PGLS: variants seen among roughly 807,000 people sequenced by gnomAD.
PGLS encodes 6-phosphogluconolactonase.
In PGLS, 21 loss-of-function variants were observed where a neutral mutation model predicts 23.2. That is an observed-to-expected ratio of 0.91 (90% CI 0.64 to 1.31). PGLS has a LOEUF of 1.31. PGLS is among the 50% of genes most tolerant of loss of function. PGLS has a pLI of 0.00. For missense variants in PGLS, 410 were observed against 354.0 expected (o/e 1.16, Z -1.27); for synonymous variants, 179 against 165.4 (o/e 1.08, Z -0.63).
chr19:17,512,174 G>T, intron 1 of PGLS: 1 of 536,598 alleles, frequency 1.9e-6, no homozygotes, highest in South Asian at 2.5e-5. Flanking sequence ...CAAGAGGGCC[G>T]CGCCCACCGG....
chr19:17,512,103 A>T lies in PGLS; in HGVS notation c.288+143A>T. 4.5e-6 allele frequency: 4 copies of T among 881,324 alleles called. No homozygotes were observed. In the South Asian group the frequency reaches 7.4e-5, roughly 16 times the overall value. 54.6% of individuals were successfully genotyped at this position (881,324 alleles called of 1,614,324 possible). A position where few individuals can be genotyped will look rare whatever the true frequency, so the allele number is the denominator to read the frequency against. On this transcript the variant is annotated intron_variant, in intron 1 of 4. Coordinates refer to ENST00000252603, the MANE Select transcript of PGLS (RefSeq NM_012088.3). ...TCGGCTACGGGGGCCACTGGGTATC[A>T]TGCCAAGAGGGCCGTGCCCACTGCC...
At chr19:17,517,455 G>C in intron 3 of PGLS, 66 bp downstream of exon 3, 3 of 1,302,528 alleles carry the variant, frequency 2.3e-6, no homozygotes, top group Non-Finnish European at 3.3e-6. Context: ...GGGACTTCCA[G>C]AGGGAGAGCC....
chr19:17,516,241 GGAGGAGGCGGCT>G lies in PGLS; in HGVS notation c.363_374del (p.Glu121_Glu124del). 1.9e-6 allele frequency: 3 copies of G among 1,614,058 alleles called. No homozygotes were observed. Among genetic ancestry groups the G allele is most frequent in the Non-Finnish European group, 2.5e-6 (3 of 1,179,928 alleles). On this transcript the variant is annotated inframe_deletion, in exon 2 of 5. Coordinates refer to ENST00000252603, the MANE Select transcript of PGLS (RefSeq NM_012088.3). Reference sequence around the variant, plus strand: ...TCACCATTAACCCCGAGCTGCCTGTGGAGGAGGCGGCTGAGGACTACGCCAAGAAGCTGAGAC... The same window carrying G: ...TCACCATTAACCCCGAGCTGCCTGTGGAGGACTACGCCAAGAAGCTGAGAC...
In PGLS at chr19:17,516,162, G is replaced by A; in HGVS notation, c.289-11G>A. The A allele has an allele frequency of 6.2e-7, 1 of 1,608,734 alleles. No homozygotes were observed. The highest frequency in any genetic ancestry group is 8.5e-7 in the Non-Finnish European group (1 of 1,175,242). ...TTACTGTTGGTGACATTGTCCCTCT[G>A]TTGGCTGCAGACGCATCTTCTCTCC... On this transcript the variant is annotated splice_polypyrimidine_tract_variant and intron_variant, in intron 1 of 4. Coordinates refer to ENST00000252603, the MANE Select transcript of PGLS (RefSeq NM_012088.3).
chr19:17,520,938 C>T lies in PGLS; in HGVS notation c.640-6C>T, dbSNP rs370619107. ...CAGGGCCTTACTCTTCTGCCCTCTTCTTCAGCGCATTTTGGAGGACCAGGA... is the reference window on the plus strand; with the variant it reads ...CAGGGCCTTACTCTTCTGCCCTCTTTTTCAGCGCATTTTGGAGGACCAGGA... On this transcript the variant is annotated splice_polypyrimidine_tract_variant and splice_region_variant and intron_variant, in intron 4 of 4. Coordinates refer to ENST00000252603, the MANE Select transcript of PGLS (RefSeq NM_012088.3). 53 of 1,590,190 alleles carry T rather than the reference C, an allele frequency of 3.3e-5. No individual in the cohort carries two copies. In the African/African-American group the frequency reaches 5.0e-4, roughly 15 times the overall value.
At chr19:17,516,425 C>T in intron 2 of PGLS, 145 bp downstream of exon 2, 1 of 1,432,428 alleles carries the variant, frequency 7.0e-7, no homozygotes, top group South Asian at 1.4e-5. Context: ...TCTTCGAGGC[C>T]ACAGCCCTGC....
chr19:17,516,287 C>A lies in PGLS; in HGVS notation c.396+7C>A. ...CGCCAAGAAGCTGAGACAGGTGAGC[C>A]CCGAGGAGCGGCCGCAAGGGAGTCA... On this transcript the variant is annotated splice_region_variant and intron_variant, in intron 2 of 4. Coordinates refer to ENST00000252603, the MANE Select transcript of PGLS (RefSeq NM_012088.3). 1 of 1,612,632 alleles carries A rather than the reference C, an allele frequency of 6.2e-7. No individual in the cohort carries two copies. The highest frequency in any genetic ancestry group is 2.2e-5 in the East Asian group (1 of 44,804).
Position 17,521,188 on chromosome 19 carries a change from G to A in PGLS, c.*107G>A, listed in dbSNP as rs920196260. 8.3e-7 allele frequency: 1 copy of A among 1,199,022 alleles called. No individual in the cohort carries two copies. The highest frequency in any genetic ancestry group is 1.1e-6 in the Non-Finnish European group (1 of 879,808). 74.3% of individuals were successfully genotyped at this position (1,199,022 alleles called of 1,614,324 possible). Reference sequence around the variant, plus strand: ...TCCTTTCAAAAAGCCACGTCGTGCTGCTGCTGGAAGCCAACAGCCTCCGGC... The same window carrying A: ...TCCTTTCAAAAAGCCACGTCGTGCTACTGCTGGAAGCCAACAGCCTCCGGC... On this transcript the variant is annotated 3_prime_UTR_variant, in exon 5 of 5. Coordinates refer to ENST00000252603, the MANE Select transcript of PGLS (RefSeq NM_012088.3).
rs143133264 is a variant in PGLS, at chr19:17,517,790, G to C, written c.579G>C (p.Leu193=). Reference sequence around the variant, plus strand: ...GTGTGACCCTCACACTACCTGTCCTGAATGCAGCACGAACTGTCATCTTTG... The same window carrying C: ...GTGTGACCCTCACACTACCTGTCCTCAATGCAGCACGAACTGTCATCTTTG... ...PQRVTLTLPV[L]NAARTVIFVA... The change falls in exon 4 of 5, where the codon CTG becomes CTC. Residue 193 remains leucine (L), a synonymous_variant. Transcript: ENST00000252603. 32 of 1,614,148 alleles carry C rather than the reference G, an allele frequency of 2.0e-5. No homozygotes were observed. The African/African-American group carries it at 4.0e-4, about 20-fold the overall frequency.
At chr19:17,512,061 C>G in intron 1 of PGLS, 101 bp downstream of exon 1, 1 of 1,245,058 alleles carries the variant, frequency 8.0e-7, no homozygotes, top group Non-Finnish European at 1.1e-6. Flanking sequence ...GAAAGGGCCG[C>G]GCCCACTGTC....
At chr19:17,520,083 A>G (rs1045702280) in intron 4 of PGLS, among the ~76,000 whole-genome samples, 6 of 152,244 alleles carry the variant, frequency 3.9e-5, no homozygotes, top group African/African-American at 1.4e-4. Flanking sequence ...AGCCTCAGAG[A>G]TTGAGGCTGC....
intron 2 of PGLS, chr19:17,516,579 A>ATT: frequency 1.2e-6 from 1 of 834,198 alleles, no homozygotes; most frequent in South Asian, 3.6e-5. Flanking sequence ...AGCTACTTGT[A>ATT]TTTCTTTTTT....
At chr19:17,512,162 G>A (rs2075511359) in intron 1 of PGLS, 2 of 568,802 alleles carry the variant, frequency 3.5e-6, no homozygotes, top group Non-Finnish European at 5.9e-6. Context: ...TGGGGGTCAT[G>A]CCAAGAGGGC....
At position 17,520,978 on chromosome 19, in the gene PGLS, C is replaced by A. The variant is rs1398619121; in HGVS notation, c.674C>A (p.Pro225His). 6.3e-7 allele frequency: 1 copy of A among 1,598,816 alleles called. No individual in the cohort carries two copies. Among genetic ancestry groups the A allele is most frequent in the Non-Finnish European group, 8.5e-7 (1 of 1,172,138 alleles). ...ILEDQEENPLPAALVQPHTGK... is the reference protein window; with the variant it reads ...ILEDQEENPLHAALVQPHTGK... ...GAGGACCAGGAGGAAAACCCGCTGC[C>A]CGCCGCCCTGGTCCAGCCCCACACC... The change falls in exon 5 of 5, where the codon CCC becomes CAC. Residue 225 changes from proline (P) to histidine (H), a missense_variant. By Grantham distance (77) the Pro-to-His change is moderately conservative. Coordinates refer to ENST00000252603, the MANE Select transcript of PGLS (RefSeq NM_012088.3).
In PGLS at chr19:17,521,223, T is replaced by A; in HGVS notation, c.*142T>A. 1.3e-6 allele frequency: 1 copy of A among 793,058 alleles called. No homozygotes were observed. The highest frequency in any genetic ancestry group is 1.9e-6 in the Non-Finnish European group (1 of 514,250). The allele number at this position is 793,058 out of a possible 1,614,324, so 49.1% of individuals were successfully genotyped here. On this transcript the variant is annotated 3_prime_UTR_variant, in exon 5 of 5. Transcript: ENST00000252603. ...GCCAACAGCCTCCGGCCAGCAGCCC[T>A]ACCCGGGGCTCAACACACAGGCTGT...
Position 17,511,972 on chromosome 19 carries a change from G to A in PGLS, c.288+12G>A, listed in dbSNP as rs1019026969. ...ACGGCCTCTACCGGGTGAGAGCTAC[G>A]GGGGCCGCCGGGGATCACGCCGAGA... is the stretch of plus-strand genomic sequence containing the variant. On this transcript the variant is annotated intron_variant, in intron 1 of 4. Coordinates refer to ENST00000252603, the MANE Select transcript of PGLS (RefSeq NM_012088.3). The A allele has an allele frequency of 4.8e-5, 74 of 1,534,696 alleles. No homozygotes were observed. Among genetic ancestry groups the A allele is most frequent in the Non-Finnish European group, 6.4e-5 (73 of 1,142,252 alleles).
chr19:17,516,347 C>T lies in PGLS; in HGVS notation c.396+67C>T, dbSNP rs756343993. The T allele has an allele frequency of 2.4e-5, 37 of 1,550,190 alleles. No homozygotes were observed. In the South Asian group the frequency reaches 2.6e-4, roughly 11 times the overall value. On this transcript the variant is annotated intron_variant, in intron 2 of 4. Coordinates refer to ENST00000252603, the MANE Select transcript of PGLS (RefSeq NM_012088.3). ...AGCGGCCACACCCCGGGCAACAGAG[C>T]GGCCTTCTGATTGTCACCAGCAGGA...
At chr19:17,519,314 CAA>C (rs58361133) in intron 4 of PGLS, among the ~76,000 whole-genome samples, 2 of 137,652 alleles carry the variant, frequency 1.5e-5, no homozygotes. Context: ...AACTCAGTCT[CAA>C]AAAAAAAAAA....
intron 4 of PGLS, chr19:17,518,616 T>C (rs2075544318): frequency 6.6e-6 from 1 of 152,228 alleles, no homozygotes; most frequent in Middle Eastern, 3.4e-3. Context: ...CTACAATCTC[T>C]ACCTCCCAGG....
Sources: allele counts gnomAD v4.1 joint callset (sites outside exome capture counted in the v4.1 genomes callset), GRCh38; gene constraint gnomAD v4.1.1; transcripts MANE v1.5; gene names NCBI Gene and HGNC (gene_info 2026-07-23, HGNC 2026-07-21).